KATNIP: variants seen among roughly 807,000 people sequenced by gnomAD.
KATNIP encodes the protein katanin interacting protein, also known as katanin-interacting protein.
KATNIP carries 126 observed loss-of-function variants against 174.0 expected under a neutral mutation model. The ratio of observed to expected loss-of-function variants is 0.72; its 90% CI spans 0.63 to 0.84. The LOEUF (loss-of-function observed/expected upper bound fraction) is 0.84, where lower values mean the gene tolerates loss of function less well. Among genes scored for constraint, KATNIP ranks in the 40% least tolerant of loss-of-function variants. The pLI, the probability that KATNIP is intolerant of heterozygous loss-of-function variation, is 0.00. For missense variants in KATNIP, 1,958 were observed against 2,109.7 expected, an observed-to-expected ratio of 0.93 and a Z score of 1.41; for synonymous variants, 810 against 835.7, an observed-to-expected ratio of 0.97 and a Z score of 0.53.
chr16:27,663,613 T>C (rs887036905), intron 6 of KATNIP, among the ~76,000 whole-genome samples: 2 of 150,620 alleles, frequency 1.3e-5, no homozygotes, highest in African/African-American at 4.9e-5. Context: ...CACACCCGGC[T>C]AATTTTTTTT....
chr16:27,659,688 G>A (rs2077408075), intron 6 of KATNIP, among the ~76,000 whole-genome samples: 1 of 152,120 alleles, frequency 6.6e-6, no homozygotes, highest in African/African-American at 2.4e-5. Context: ...AGAGAAAATA[G>A]AGGCATGTAG....
intron 15 of KATNIP, among the ~76,000 whole-genome samples, chr16:27,747,087 G>T (rs1232344644): frequency 6.6e-6 from 1 of 152,204 alleles, no homozygotes; most frequent in African/African-American, 2.4e-5. Context: ...CTAAATGAGG[G>T]CAAGGAAGGA....
chr16:27,777,484 C>A lies in KATNIP; in HGVS notation c.4552-126C>A. The A allele has an allele frequency of 2.5e-6, 2 of 814,618 alleles. No individual in the cohort carries two copies. The highest frequency in any genetic ancestry group is 3.8e-6 in the Non-Finnish European group (2 of 531,172). 50.5% of individuals were successfully genotyped at this position (814,618 alleles called of 1,614,324 possible). On this transcript the variant is annotated intron_variant, in intron 25 of 27. Coordinates refer to ENST00000261588, the MANE Select transcript of KATNIP (RefSeq NM_015202.5). The surrounding 1 kb of genome is among the most constrained non-coding windows in gnomAD (Gnocchi z 4.4). ...CAAGGCAGACACAGCACACAGTAGGCGCTTGTTCCTGACAGCCCCGTCTTC... is the reference window on the plus strand; with the variant it reads ...CAAGGCAGACACAGCACACAGTAGGAGCTTGTTCCTGACAGCCCCGTCTTC...
chr16:27,591,275 C>G (rs1215859267), intron 2 of KATNIP, among the ~76,000 whole-genome samples: 2 of 151,950 alleles, frequency 1.3e-5, no homozygotes, highest in African/African-American at 4.8e-5. Flanking sequence ...CCCTCCGCCT[C>G]CCGGGTTCAA....
At chr16:27,624,518 C>G (rs912678880) in intron 3 of KATNIP, among the ~76,000 whole-genome samples, 2 of 152,076 alleles carry the variant, frequency 1.3e-5, no homozygotes, top group African/African-American at 4.8e-5. Flanking sequence ...TCACTTGTTC[C>G]AGAAACAGGC....
chr16:27,561,996 C>A (rs112173768), intron 1 of KATNIP, among the ~76,000 whole-genome samples: 1 of 152,184 alleles, frequency 6.6e-6, no homozygotes, highest in African/African-American at 2.4e-5. Flanking sequence ...CAAGAATATT[C>A]TTCAGTTTCA....
Position 27,776,833 on chromosome 16 carries a change from C to A in KATNIP, c.4450-95C>A. ...ACGTGGCAGGCGCTGCCTTGGGCAC[C>A]ACCGCTCACCCCAGCCCACGCCTGG... On this transcript the variant is annotated intron_variant, in intron 24 of 27. Transcript: ENST00000261588. This position sits in a 1 kb window ranked among gnomAD's most constrained non-coding sequence, Gnocchi z 4.7. The A allele has an allele frequency of 1.2e-6, 1 of 851,734 alleles. No individual in the cohort carries two copies. Among genetic ancestry groups the A allele is most frequent in the Middle Eastern group, 3.3e-4 (1 of 3,070 alleles). The allele number at this position is 851,734 out of a possible 1,614,324, so 52.8% of individuals were successfully genotyped here. A position where few individuals can be genotyped will look rare whatever the true frequency, so the allele number is the denominator to read the frequency against.
rs555158783 is a variant in KATNIP at position 27,605,337 on chromosome 16, C to T, written c.64-13088C>T. 2.6e-5 allele frequency among the ~76,000 whole-genome samples: 4 copies of T among 152,214 alleles called. No homozygotes were observed. In the East Asian group the frequency reaches 7.7e-4, roughly 29 times the overall value. ...TTTTCTGAGAATAAAAAGAAATGCT[C>T]GTTATTTTCCACTGGACATGGATTG... On this transcript the variant is annotated intron_variant, in intron 2 of 27. Transcript: ENST00000261588.
At chr16:27,666,976 C>CCCTAGCA (rs1187883572) in intron 6 of KATNIP, among the ~76,000 whole-genome samples, 1 of 152,138 alleles carries the variant, frequency 6.6e-6, no homozygotes, top group Non-Finnish European at 1.5e-5. Flanking sequence ...ATCACTCCAT[C>CCCTAGCA]CCTAGCACCT....
intron 6 of KATNIP, among the ~76,000 whole-genome samples, chr16:27,669,533 A>G (rs1447754051): frequency 1.3e-5 from 2 of 152,242 alleles, no homozygotes; most frequent in Non-Finnish European, 2.9e-5. Flanking sequence ...GCTTCACAGC[A>G]CCTGGTAGAT....
At chr16:27,593,047 G>T (rs1285218193) in intron 2 of KATNIP, among the ~76,000 whole-genome samples, 2 of 152,130 alleles carry the variant, frequency 1.3e-5, no homozygotes, top group African/African-American at 2.4e-5. Context: ...GTCCTGGGAG[G>T]TCCCCTCTCT....
At chr16:27,630,452 T>C (rs2076450993) in intron 4 of KATNIP, among the ~76,000 whole-genome samples, 1 of 152,228 alleles carries the variant, frequency 6.6e-6, no homozygotes, top group Non-Finnish European at 1.5e-5. Context: ...GAGAAAATGA[T>C]TCCTGAAATG....
rs369563369 is a variant in KATNIP at position 27,750,046 on chromosome 16, G to A, written c.3086G>A (p.Arg1029His). The A allele has an allele frequency of 4.6e-5, 74 of 1,614,050 alleles. No homozygotes were observed. The highest frequency in any genetic ancestry group is 1.6e-4 in the Middle Eastern group (1 of 6,084). ...NILPAYGKDP[R>H]VVTNLIDGVN... ...TTACCAGCCTATGGGAAAGACCCCC[G>A]CGTGGTCACCAACCTCATCGACGGG... Residue 1029 changes from arginine (R) to histidine (H), a missense_variant, in exon 16 of 28, where the codon CGC (arginine) becomes CAC (histidine). Coordinates refer to ENST00000261588, the MANE Select transcript of KATNIP (RefSeq NM_015202.5).
At chr16:27,602,087 C>T (rs1010582572) in intron 2 of KATNIP, among the ~76,000 whole-genome samples, 1 of 152,156 alleles carries the variant, frequency 6.6e-6, no homozygotes, top group Non-Finnish European at 1.5e-5. Flanking sequence ...CCTGAGAGGG[C>T]GAAAGCAGCT....
At chr16:27,655,152 C>T (rs1181538848) in intron 6 of KATNIP, among the ~76,000 whole-genome samples, 1 of 124,582 alleles carries the variant, frequency 8.0e-6, no homozygotes, top group Admixed American at 9.3e-5. Context: ...AAACAAAAAC[C>T]GCTGGGCTGC....
At chr16:27,667,119 G>A (rs367768054) in intron 6 of KATNIP, among the ~76,000 whole-genome samples, 179 of 152,172 alleles carry the variant, frequency 1.2e-3, no homozygotes, top group African/African-American at 4.1e-3. Flanking sequence ...CCAGCAGTTC[G>A]AGACCAGCCT....
chr16:27,564,824 C>T (rs1002921185), intron 1 of KATNIP, among the ~76,000 whole-genome samples: 2 of 151,936 alleles, frequency 1.3e-5, no homozygotes, highest in East Asian at 2.0e-4. Flanking sequence ...GGAGTAATGG[C>T]GCAATCTCAG....
At chr16:27,778,032 G>C in intron 27 of KATNIP, 63 bp downstream of exon 27, 1 of 1,481,210 alleles carries the variant, frequency 6.8e-7, no homozygotes, top group Non-Finnish European at 9.4e-7. Flanking sequence ...TATAGAAGGA[G>C]CTGGTGGCCT....
intron 2 of KATNIP, among the ~76,000 whole-genome samples, chr16:27,594,728 C>T (rs111558012): frequency 0.011 from 1,600 of 152,288 alleles, 22 homozygotes; most frequent in African/African-American, 0.033. Flanking sequence ...GCTGGGATTA[C>T]AGGTGTGAGA....
Sources: allele counts gnomAD v4.1 joint callset (sites outside exome capture counted in the v4.1 genomes callset), GRCh38; gene constraint gnomAD v4.1.1; non-coding constraint Gnocchi (gnomAD v3.1); transcripts MANE v1.5; gene names NCBI Gene and HGNC (gene_info 2026-07-23, HGNC 2026-07-21).